Variants in CMSS1 observed in about 807,000 individuals in gnomAD.
The protein encoded by CMSS1 is cms1 ribosomal small subunit homolog, also known as protein CMSS1.
In CMSS1, 33 loss-of-function variants were observed where a neutral mutation model predicts 43.5. The ratio of observed to expected loss-of-function variants is 0.76; its 90% CI spans 0.57 to 1.01. The LOEUF is 1.01. CMSS1 is among the 50% of genes least tolerant of loss of function. The probability of loss-of-function intolerance (pLI) is 0.00; values close to 1 mark genes in which losing one functional copy is unlikely to be tolerated. For synonymous variants in CMSS1, 115 were observed against 117.2 expected (o/e 0.98, Z 0.12); for missense variants, 313 against 326.4 (o/e 0.96, Z 0.32).
At chr3:99,844,657 A>G (rs1943282401) in intron 1 of CMSS1, among the ~76,000 whole-genome samples, 1 of 152,196 alleles carries the variant, frequency 6.6e-6, no homozygotes, top group South Asian at 2.1e-4. Context: ...TATCCCTTCT[A>G]TGACCATCTC....
chr3:99,872,458 A>G (rs1013265083), intron 1 of CMSS1, among the ~76,000 whole-genome samples: 2 of 152,062 alleles, frequency 1.3e-5, no homozygotes, highest in African/African-American at 4.8e-5. Flanking sequence ...CCTTTAGGCT[A>G]GAATAAGTAG....
intron 1 of CMSS1, among the ~76,000 whole-genome samples, chr3:100,051,744 C>A (rs1179220821): frequency 1.3e-5 from 2 of 151,574 alleles, no homozygotes; most frequent in African/African-American, 4.8e-5. Flanking sequence ...TTTTCTTAAT[C>A]TAGTCGATCA....
chr3:100,127,922 C>G (rs2107497308), intron 1 of CMSS1, among the ~76,000 whole-genome samples: 1 of 152,262 alleles, frequency 6.6e-6, no homozygotes, highest in South Asian at 2.1e-4. Context: ...CTCTTAGGTC[C>G]CATCAGTGCC....
intron 1 of CMSS1, among the ~76,000 whole-genome samples, chr3:99,932,874 A>G (rs189916501): frequency 6.6e-6 from 1 of 152,296 alleles, no homozygotes; most frequent in East Asian, 1.9e-4. Flanking sequence ...TGGGTGACAG[A>G]GTAAGACTCT....
At chr3:100,021,958 T>A (rs540661349) in intron 1 of CMSS1, among the ~76,000 whole-genome samples, 2,607 of 94,008 alleles carry the variant, frequency 0.028, 15 homozygotes, top group East Asian at 0.032. Flanking sequence ...TGTGTGTGTG[T>A]GTGAGAGAGA....
intron 1 of CMSS1, among the ~76,000 whole-genome samples, chr3:100,078,421 C>T (rs2065882521): frequency 1.3e-5 from 2 of 152,100 alleles, no homozygotes; most frequent in Non-Finnish European, 2.9e-5. Context: ...TCTTAATTCT[C>T]TATTGCTACA....
At chr3:99,942,746 T>C (rs1707887710) in intron 1 of CMSS1, among the ~76,000 whole-genome samples, 2 of 151,990 alleles carry the variant, frequency 1.3e-5, no homozygotes, top group Admixed American at 1.3e-4. Flanking sequence ...GGAGAATTGC[T>C]TGGACCCAGG....
At chr3:100,084,182 G>A (rs1204501551) in intron 1 of CMSS1, among the ~76,000 whole-genome samples, 1 of 152,112 alleles carries the variant, frequency 6.6e-6, no homozygotes, top group African/African-American at 2.4e-5. Context: ...CCCCAGTTAA[G>A]CAAAAGCTCC....
chr3:100,036,877 C>T (rs116751488), intron 1 of CMSS1, among the ~76,000 whole-genome samples: 2 of 152,048 alleles, frequency 1.3e-5, no homozygotes, highest in East Asian at 1.9e-4. Context: ...GAGAAAGATA[C>T]GTTATTTCTG....
intron 1 of CMSS1, among the ~76,000 whole-genome samples, chr3:100,036,709 A>G (rs776075033): frequency 2.2e-4 from 33 of 152,226 alleles, no homozygotes; most frequent in Non-Finnish European, 4.3e-4. Flanking sequence ...ATATTTACAT[A>G]TCTCAAAGAA....
chr3:100,064,363 C>CTCTTTT (rs1360241157), intron 1 of CMSS1, among the ~76,000 whole-genome samples: 2 of 151,908 alleles, frequency 1.3e-5, no homozygotes, highest in African/African-American at 4.8e-5. Context: ...CCCACGGCCT[C>CTCTTTT]TCTTTTTCCA....
chr3:99,927,225 T>G (rs919192245), intron 1 of CMSS1, among the ~76,000 whole-genome samples: 1 of 152,234 alleles, frequency 6.6e-6, no homozygotes, highest in African/African-American at 2.4e-5. Context: ...ATTAACTAAC[T>G]AAATGAATAA....
At chr3:99,832,688 C>T (rs1204475225) in intron 1 of CMSS1, among the ~76,000 whole-genome samples, 2 of 145,936 alleles carry the variant, frequency 1.4e-5, no homozygotes, top group Non-Finnish European at 3.0e-5. Context: ...ACTGAAAATA[C>T]AAAACAGCCG....
intron 1 of CMSS1, among the ~76,000 whole-genome samples, chr3:99,832,135 T>C (rs1214578361): frequency 5.3e-5 from 8 of 152,192 alleles, no homozygotes; most frequent in Admixed American, 5.2e-4. Flanking sequence ...GCTTTTGTTT[T>C]CTAGGTAACT....
At chr3:100,131,636 G>A (rs1000820268) in intron 1 of CMSS1, among the ~76,000 whole-genome samples, 6 of 152,100 alleles carry the variant, frequency 3.9e-5, no homozygotes, top group African/African-American at 1.2e-4. Context: ...TCTGGTTCTC[G>A]CTTCCTTGCT....
At chr3:99,916,508 T>G (rs1706959817) in intron 1 of CMSS1, among the ~76,000 whole-genome samples, 1 of 149,298 alleles carries the variant, frequency 6.7e-6, no homozygotes, top group Non-Finnish European at 1.5e-5. Flanking sequence ...TGGAGGACCC[T>G]GACAAATACA....
chr3:99,924,392 T>C, intron 1 of CMSS1: 2 of 1,614,088 alleles, frequency 1.2e-6, no homozygotes, highest in Non-Finnish European at 1.7e-6. Flanking sequence ...TTTATGTTTT[T>C]CCACAACTTT....
At position 100,178,471 on chromosome 3, in the gene CMSS1, TA is replaced by T; in HGVS notation, c.*86del. ...ACTCTGATACATTGCAAGCACTCAG[TA>T]AATATCAGCAAATAGTTTATGTTAA... On this transcript the variant is annotated 3_prime_UTR_variant, in exon 10 of 10. Transcript: ENST00000421999. 1 of 788,606 alleles carries T rather than the reference TA, an allele frequency of 1.3e-6. No homozygotes were observed. Among genetic ancestry groups the T allele is most frequent in the Non-Finnish European group, 2.2e-6 (1 of 464,056 alleles). The allele number at this position is 788,606 out of a possible 1,614,324, so 48.9% of individuals were successfully genotyped here. A position where few individuals can be genotyped will look rare whatever the true frequency, so the allele number is the denominator to read the frequency against.
chr3:100,124,870 G>A (rs1380159142), intron 1 of CMSS1, among the ~76,000 whole-genome samples: 5 of 147,394 alleles, frequency 3.4e-5, no homozygotes, highest in African/African-American at 1.0e-4. Context: ...ATGTATATGC[G>A]TTCACATGTC....
Sources: allele counts gnomAD v4.1 joint callset (sites outside exome capture counted in the v4.1 genomes callset), GRCh38; gene constraint gnomAD v4.1.1; transcripts MANE v1.5; gene names NCBI Gene and HGNC (gene_info 2026-07-23, HGNC 2026-07-21).